The following MS4A6A variants were observed in gnomAD, a reference collection of about 807,000 sequenced individuals.
MS4A6A encodes membrane-spanning 4-domains subfamily A member 6A.
MS4A6A carries 19 observed loss-of-function variants against 20.6 expected under a neutral mutation model. The ratio of observed to expected loss-of-function variants is 0.92; its 90% CI spans 0.64 to 1.36. The LOEUF (loss-of-function observed/expected upper bound fraction) is 1.36. MS4A6A is among the 40% of genes most tolerant of loss of function. MS4A6A has a pLI of 0.00. For missense variants in MS4A6A, 272 were observed against 261.1 expected (o/e 1.04, Z -0.29); for synonymous variants, 108 against 105.0 (o/e 1.03, Z -0.17).
intron 4 of MS4A6A, chr11:60,178,059 T>G (rs1158048480): frequency 3.5e-6 from 2 of 574,364 alleles, no homozygotes; most frequent in Middle Eastern, 4.6e-4. Flanking sequence ...GAATGCAGAC[T>G]TTGATGTAGG....
intron 2 of MS4A6A, chr11:60,180,193 T>C (rs2134801253): frequency 1.8e-6 from 1 of 564,286 alleles, no homozygotes; most frequent in Non-Finnish European, 3.1e-6. Flanking sequence ...TCAGGAAGGC[T>C]TCTGCATTTC....
downstream of MS4A6A, among the ~76,000 whole-genome samples, chr11:60,171,855 C>T (rs572888544): frequency 7.2e-5 from 11 of 152,260 alleles, no homozygotes; most frequent in South Asian, 2.1e-3. Context: ...TTCTGGGAAA[C>T]ATTTTCTGGG....
At chr11:60,173,594 A>C (rs558514765) in intron 5 of MS4A6A, among the ~76,000 whole-genome samples, 1 of 152,200 alleles carries the variant, frequency 6.6e-6, no homozygotes, top group African/African-American at 2.4e-5. Context: ...CTTTCTCAGA[A>C]ATTTGTAAGG....
At chr11:60,178,192 G>T in intron 4 of MS4A6A, 68 bp downstream of exon 4, 1 of 1,390,236 alleles carries the variant, frequency 7.2e-7, no homozygotes, top group Non-Finnish European at 1.0e-6. Flanking sequence ...AGAAAGACTA[G>T]CCTTAAAGAG....
intron 5 of MS4A6A, 140 bp downstream of exon 5, chr11:60,175,262 C>A (rs574731446): frequency 3.1e-6 from 2 of 635,026 alleles, no homozygotes; most frequent in Non-Finnish European, 5.4e-6. Flanking sequence ...CCTGTAGTCC[C>A]CTTTGATTTA....
In MS4A6A at chr11:60,172,609, A is replaced by T; in HGVS notation, c.*392T>A. The T allele has an allele frequency of 8.9e-7, 1 of 1,127,752 alleles. No individual in the cohort carries two copies. Among genetic ancestry groups the T allele is most frequent in the East Asian group, 5.6e-5 (1 of 17,798 alleles). 69.9% of individuals were successfully genotyped at this position (1,127,752 alleles called of 1,614,324 possible). ...TCACTGGATCCAGTTACGTGTGTAA[A>T]TGCCCTTTACCAAGTCAATACTATT... On this transcript the variant is annotated 3_prime_UTR_variant, in exon 6 of 6. Coordinates refer to ENST00000528851, the MANE Select transcript of MS4A6A (RefSeq NM_022349.4).
At chr11:60,172,057 A>T (rs1469651658), downstream of MS4A6A, 1 of 1,158,062 alleles carries the variant, frequency 8.6e-7, no homozygotes, top group African/African-American at 1.5e-5. Flanking sequence ...TTACTTTAAA[A>T]GCTTACATTT....
intron 3 of MS4A6A, 49 bp from the exon 4 acceptor site, chr11:60,178,365 C>T: frequency 6.8e-7 from 1 of 1,460,174 alleles, no homozygotes; most frequent in African/African-American, 1.4e-5. Context: ...TACAGAGTAC[C>T]TTCGACGTCA....
At chr11:60,178,457 A>G in intron 3 of MS4A6A, 141 bp from the exon 4 acceptor site, 1 of 621,416 alleles carries the variant, frequency 1.6e-6, no homozygotes. Context: ...ATTTAAATAC[A>G]TAGATTTGTC....
chr11:60,174,195 C>T (rs1446283217), intron 5 of MS4A6A, among the ~76,000 whole-genome samples: 1 of 152,206 alleles, frequency 6.6e-6, no homozygotes, highest in Admixed American at 6.5e-5. Context: ...GAGCAAGGCC[C>T]TCTTTATAAT....
chr11:60,184,216 A>G (rs1051977898), upstream of MS4A6A: 1 of 152,238 alleles, frequency 6.6e-6, no homozygotes, highest in African/African-American at 2.4e-5. Context: ...ACATTATGAA[A>G]TGTAATTGGC....
At chr11:60,181,800 C>A in intron 1 of MS4A6A, 59 bp from the exon 2 acceptor site, 1 of 1,537,458 alleles carries the variant, frequency 6.5e-7, no homozygotes, top group East Asian at 2.2e-5. Context: ...GGTTCTGACT[C>A]CAAAAACAGT....
In MS4A6A at chr11:60,175,484, A is replaced by T; in HGVS notation, c.467T>A (p.Ile156Lys). The T allele has an allele frequency of 6.2e-7, 1 of 1,614,100 alleles. No homozygotes were observed. Among genetic ancestry groups the T allele is most frequent in the South Asian group, 1.1e-5 (1 of 91,084 alleles). ...GTAAGAAACATAACTTCTTGTTGGT[A>T]TATTATTTTTGTCCAACTCACACTG... ...SLQCELDKNN[I>K]PTRSYVSYFY... Residue 156 changes from isoleucine to lysine, a missense_variant, in exon 5 of 6, where the codon ATA becomes AAA. Ile to Lys is a moderately radical substitution (Grantham distance 102). Coordinates refer to ENST00000528851, the MANE Select transcript of MS4A6A (RefSeq NM_022349.4).
intron 2 of MS4A6A, chr11:60,180,232 G>C (rs1329993065): frequency 2.1e-6 from 1 of 480,900 alleles, no homozygotes; most frequent in African/African-American, 2.0e-5. Flanking sequence ...CTGCTCATGA[G>C]ACTTGCTTCC....
In MS4A6A at chr11:60,173,049, C is replaced by T. The variant is rs1856660296; in HGVS notation, c.630G>A (p.Gln210=). The T allele has an allele frequency of 3.1e-6, 5 of 1,614,016 alleles. No homozygotes were observed. The African/African-American group carries it at 5.3e-5, about 17-fold the overall frequency. Residue 210 remains glutamine (Q), a synonymous_variant, in exon 6 of 6, where the codon CAG becomes CAA. Transcript: ENST00000528851. ...AVLTAVLRWK[Q]AYSDFPGVSV... is the part of the protein sequence containing the mutation. ...TCACCCCAGGGAAGTCAGAGTAAGC[C>T]TGTTTCCACCGCAGCACAGCAGTGA...
chr11:60,172,043 T>A (rs910768161), downstream of MS4A6A: 9 of 998,138 alleles, frequency 9.0e-6, no homozygotes, highest in East Asian at 1.7e-4. Flanking sequence ...TTTTTTAATG[T>A]TCATTACTTT....
chr11:60,178,376 C>T lies in MS4A6A; in HGVS notation c.283-60G>A. On this transcript the variant is annotated intron_variant, in intron 3 of 5. Coordinates refer to ENST00000528851, the MANE Select transcript of MS4A6A (RefSeq NM_022349.4). ...CATGTACAGAGTACCTTCGACGTCA[C>T]TATCACAATGTTTATAGACAACTCT... 5 of 1,366,642 alleles carry T rather than the reference C, an allele frequency of 3.7e-6. 1 individual carries two copies. The South Asian group carries it at 4.7e-5, about 13-fold the overall frequency. The allele number at this position is 1,366,642 out of a possible 1,614,324, so 84.7% of individuals were successfully genotyped here. A position where few individuals can be genotyped will look rare whatever the true frequency, so the allele number is the denominator to read the frequency against.
chr11:60,172,408 C>T (rs1590661827), downstream of MS4A6A: 2 of 1,387,600 alleles, frequency 1.4e-6, no homozygotes, highest in Non-Finnish European at 1.9e-6. Context: ...CAATTTATCA[C>T]CCTAGTATTC....
intron 2 of MS4A6A, 132 bp downstream of exon 2, chr11:60,181,449 G>A: frequency 9.6e-7 from 1 of 1,036,614 alleles, no homozygotes; most frequent in Non-Finnish European, 1.4e-6. Context: ...TCTCCAAGTG[G>A]CTTCTACCCT....
Sources: gnomAD v4.1 joint callset for allele counts (sites outside exome capture counted in the v4.1 genomes callset) on GRCh38, gnomAD v4.1.1 for gene constraint, MANE v1.5 for transcripts, NCBI Gene and HGNC (gene_info 2026-07-23, HGNC 2026-07-21) for gene names.